The following KCNT1 variants were observed in gnomAD, a reference collection of about 807,000 sequenced individuals.
KCNT1 encodes the protein potassium sodium-activated channel subfamily T member 1, also known as potassium channel subfamily T member 1.
Under a neutral mutation model 147.8 loss-of-function variants are expected in KCNT1, and 78 were observed. The ratio of observed to expected loss-of-function variants is 0.53; its 90% CI spans 0.44 to 0.64. KCNT1 has a LOEUF of 0.64. Ranked by LOEUF, KCNT1 falls within the 30% of genes least tolerant of loss-of-function variation. The probability of loss-of-function intolerance (pLI) is 0.00; values close to 1 mark genes in which losing one functional copy is unlikely to be tolerated. For synonymous variants in KCNT1, 867 were observed against 748.8 expected (o/e 1.16, Z -2.58); for missense variants, 1,419 against 1,750.3 (o/e 0.81, Z 3.38).
intron 5 of KCNT1, among the ~76,000 whole-genome samples, chr9:135,754,419 G>C (rs10745371): frequency 2.0e-5 from 3 of 151,972 alleles, no homozygotes; most frequent in Non-Finnish European, 4.4e-5. Flanking sequence ...TCCCAGTGAG[G>C]TGGCGGCTTC....
In KCNT1 at chr9:135,788,416, CAG is replaced by C. The variant is rs529892406; in HGVS notation, c.3502+1898_3502+1899del. On this transcript the variant is annotated intron_variant, in intron 29 of 30. Transcript: ENST00000371757. ...AGTCAAGGTGCTGTTGGCCGCCAGG[CAG>C]AGTGGCGACTGCCCAGCTCTCGGGC... Among the ~76,000 whole-genome samples the C allele has an allele frequency of 3.9e-5, 6 of 152,374 alleles. No homozygotes were observed. In the South Asian group the frequency reaches 8.3e-4, roughly 21 times the overall value.
chr9:135,750,193 G>A lies in KCNT1; in HGVS notation c.334+16G>A, dbSNP rs1368070347. 6.2e-7 allele frequency: 1 copy of A among 1,607,160 alleles called. No homozygotes were observed. Among genetic ancestry groups the A allele is most frequent in the Admixed American group, 1.7e-5 (1 of 59,980 alleles). On this transcript the variant is annotated intron_variant, in intron 3 of 30. Coordinates refer to ENST00000371757, the MANE Select transcript of KCNT1 (RefSeq NM_020822.3). ...CAAAGATCGAGTGAGTGGGGTGCCT[G>A]GAGGGCCACTCCCAGGCAGGGAGGT... is the stretch of plus-strand genomic sequence containing the variant.
chr9:135,759,416 G>A lies in KCNT1; in HGVS notation c.855-263G>A, dbSNP rs747166559. Reference sequence around the variant, plus strand: ...CAGGCAGGGAGGCTCCGGGGAATTCGCCGTGAACAGAGGCCGCCATGCTGT... The same window carrying A: ...CAGGCAGGGAGGCTCCGGGGAATTCACCGTGAACAGAGGCCGCCATGCTGT... On this transcript the variant is annotated intron_variant, in intron 10 of 30. Transcript: ENST00000371757. 2.6e-4 allele frequency among the ~76,000 whole-genome samples: 40 copies of A among 152,338 alleles called. No homozygotes were observed. In the Middle Eastern group the frequency reaches 0.014, roughly 52 times the overall value.
intron 11 of KCNT1, among the ~76,000 whole-genome samples, chr9:135,761,293 C>T (rs991637432): frequency 1.3e-5 from 2 of 152,216 alleles, no homozygotes; most frequent in Admixed American, 1.3e-4. Context: ...GAGGGTTTCA[C>T]CCACCAGGAA....
At chr9:135,738,724 C>T (rs1299834433) in intron 2 of KCNT1, among the ~76,000 whole-genome samples, 1 of 152,140 alleles carries the variant, frequency 6.6e-6, no homozygotes, top group Non-Finnish European at 1.5e-5. Context: ...GCCCAGAGCT[C>T]CCCTAACACC....
intron 18 of KCNT1, 59 bp downstream of exon 18, chr9:135,771,154 C>A (rs917723661): frequency 1.4e-6 from 2 of 1,470,328 alleles, no homozygotes; most frequent in South Asian, 2.5e-5. Context: ...GGAGACCAGG[C>A]GGGACACCGG....
At chr9:135,772,688 G>C in intron 18 of KCNT1, 27 bp from the exon 19 acceptor site, 1 of 1,354,756 alleles carries the variant, frequency 7.4e-7, no homozygotes, top group Non-Finnish European at 9.6e-7. Context: ...GAGTCGGGCT[G>C]TGGCCAAGCA....
At chr9:135,784,984 C>G in intron 27 of KCNT1, 95 bp downstream of exon 27, 1 of 1,528,012 alleles carries the variant, frequency 6.5e-7, no homozygotes. Context: ...TGTGGCAGCC[C>G]CTGTCCTGTG....
intron 1 of KCNT1, among the ~76,000 whole-genome samples, chr9:135,707,465 T>G (rs1835302527): frequency 6.6e-6 from 1 of 152,090 alleles, no homozygotes; most frequent in South Asian, 2.1e-4. Context: ...GTGCAGTCAC[T>G]AAGCATCTCC....
intron 29 of KCNT1, chr9:135,787,985 G>C: frequency 3.9e-6 from 3 of 760,082 alleles, no homozygotes; most frequent in Non-Finnish European, 4.8e-6. Context: ...TCTGGTGGCC[G>C]GCCTCCCGTG....
chr9:135,779,685 T>C (rs1833467363), intron 24 of KCNT1, among the ~76,000 whole-genome samples: 1 of 152,198 alleles, frequency 6.6e-6, no homozygotes, highest in Admixed American at 6.5e-5. Context: ...CCTGACCGCG[T>C]GTGAGGCACT....
chr9:135,730,714 G>C lies in KCNT1; in HGVS notation c.254+15994G>C, dbSNP rs556370980. Among the ~76,000 whole-genome samples, 22 of 152,144 alleles carry C rather than the reference G, an allele frequency of 1.4e-4. No homozygotes were observed. The highest frequency in any genetic ancestry group is 4.6e-4 in the Admixed American group (7 of 15,280). ...TAAAACACTTGTGTTGGCCGGGTACGGTGGCTCACACCTGAAATCTCAGCA... is the reference window on the plus strand; with the variant it reads ...TAAAACACTTGTGTTGGCCGGGTACCGTGGCTCACACCTGAAATCTCAGCA... On this transcript the variant is annotated intron_variant, in intron 2 of 30. Transcript: ENST00000371757. The surrounding 1 kb of genome is among the most constrained non-coding windows in gnomAD (Gnocchi z 4.7).
At chr9:135,772,978 G>GT in intron 19 of KCNT1, 29 bp downstream of exon 19, 1 of 1,409,546 alleles carries the variant, frequency 7.1e-7, no homozygotes, top group Non-Finnish European at 9.3e-7. Flanking sequence ...ACGGCTCCCA[G>GT]TGGGGGGAGG....
At position 135,792,270 on chromosome 9, in the gene KCNT1, C is replaced by G; in HGVS notation, c.*109C>G. ...AGCGTGACCCTGGGGATGGCACACT[C>G]TACTCACCATGGCTCCTGGGACTCC... On this transcript the variant is annotated 3_prime_UTR_variant, in exon 31 of 31. Transcript: ENST00000371757. 9 of 1,350,596 alleles carry G rather than the reference C, an allele frequency of 6.7e-6. No individual in the cohort carries two copies. Among genetic ancestry groups the G allele is most frequent in the Non-Finnish European group, 7.9e-6 (8 of 1,008,322 alleles). The allele number at this position is 1,350,596 out of a possible 1,614,324, so 83.7% of individuals were successfully genotyped here.
intron 13 of KCNT1, among the ~76,000 whole-genome samples, chr9:135,767,439 T>C (rs576551041): frequency 6.6e-6 from 1 of 152,118 alleles, no homozygotes; most frequent in Non-Finnish European, 1.5e-5. Context: ...TCAGCAGTGC[T>C]AGGTGGTTTC....
At chr9:135,761,039 T>TA (rs201104076) in intron 11 of KCNT1, among the ~76,000 whole-genome samples, 3,602 of 151,924 alleles carry the variant, frequency 0.024, 114 homozygotes, top group African/African-American at 0.068. Context: ...TTTTTTTTTT[T>TA]AAATTAGAGA....
intron 2 of KCNT1, among the ~76,000 whole-genome samples, chr9:135,717,126 G>C (rs112328311): frequency 1.3e-3 from 190 of 150,068 alleles, no homozygotes; most frequent in African/African-American, 4.4e-3. Flanking sequence ...ACCTGGCCCT[G>C]TGGTGTTGGT....
At chr9:135,710,552 C>T (rs1437488309) in intron 1 of KCNT1, among the ~76,000 whole-genome samples, 4 of 152,170 alleles carry the variant, frequency 2.6e-5, no homozygotes, top group Non-Finnish European at 5.9e-5. Flanking sequence ...GAGTGCCCCC[C>T]GCCTCCTTTC....
At chr9:135,741,361 C>A (rs1218982471) in intron 2 of KCNT1, among the ~76,000 whole-genome samples, 2 of 152,194 alleles carry the variant, frequency 1.3e-5, no homozygotes, top group African/African-American at 2.4e-5. Context: ...GACCCACAGG[C>A]CAGGCAGACC....
Sources: allele counts gnomAD v4.1 joint callset (sites outside exome capture counted in the v4.1 genomes callset), GRCh38; gene constraint gnomAD v4.1.1; non-coding constraint Gnocchi (gnomAD v3.1); transcripts MANE v1.5; gene names NCBI Gene and HGNC (gene_info 2026-07-23, HGNC 2026-07-21).